NRBF2: variants seen among roughly 807,000 people sequenced by gnomAD.
NRBF2 encodes the protein nuclear receptor-binding factor 2.
Under a neutral mutation model 28.5 loss-of-function variants are expected in NRBF2, and 12 were observed. That is an observed-to-expected ratio of 0.42 (90% CI 0.27 to 0.68). NRBF2 has a LOEUF of 0.68. Ranked by LOEUF, NRBF2 falls within the 30% of genes least tolerant of loss-of-function variation. NRBF2 has a pLI of 0.24. For synonymous variants in NRBF2, 102 were observed against 116.5 expected, an observed-to-expected ratio of 0.88 and a Z score of 0.80; for missense variants, 274 against 333.5, an observed-to-expected ratio of 0.82 and a Z score of 1.39.
chr10:63,143,221 C>T (rs1266049832), intron 1 of NRBF2, among the ~76,000 whole-genome samples: 3 of 152,166 alleles, frequency 2.0e-5, no homozygotes, highest in Non-Finnish European at 4.4e-5. Context: ...AAGATTGTTG[C>T]TTCTTTCCTA....
intron 1 of NRBF2, 139 bp from the exon 2 acceptor site, chr10:63,146,070 C>A: frequency 2.9e-6 from 2 of 683,566 alleles, no homozygotes; most frequent in African/African-American, 1.8e-5. Flanking sequence ...ATTTCCCCAG[C>A]TACAGATAGA....
At chr10:63,141,765 G>A (rs905344641) in intron 1 of NRBF2, among the ~76,000 whole-genome samples, 3 of 152,230 alleles carry the variant, frequency 2.0e-5, no homozygotes, top group African/African-American at 4.8e-5. Flanking sequence ...AGATTTGAAC[G>A]TTGGCAGTCG....
chr10:63,150,279 A>G (rs563778644), intron 2 of NRBF2: 1 of 613,108 alleles, frequency 1.6e-6, no homozygotes, highest in South Asian at 7.2e-5. Flanking sequence ...CATGAACAAA[A>G]GGAAAAGAAA....
chr10:63,133,353 C>A lies in NRBF2; in HGVS notation c.-118C>A. 1 of 1,231,960 alleles carries A rather than the reference C, an allele frequency of 8.1e-7. No homozygotes were observed. The highest frequency in any genetic ancestry group is 1.3e-5 in the South Asian group (1 of 79,560). The allele number at this position is 1,231,960 out of a possible 1,614,324, so 76.3% of individuals were successfully genotyped here. ...GCTCCTTCAGCGCCTATCGCTGGCT[C>A]TTGGGGCGCAGAGAGGGGCCGCAGT... On this transcript the variant is annotated 5_prime_UTR_variant, in exon 1 of 4. Transcript: ENST00000277746.
chr10:63,141,599 CTG>C (rs768525796), intron 1 of NRBF2, among the ~76,000 whole-genome samples: 3 of 152,216 alleles, frequency 2.0e-5, no homozygotes, highest in Non-Finnish European at 4.4e-5. Flanking sequence ...ATTCTAAGCA[CTG>C]TGATGTTTCA....
In NRBF2 at chr10:63,133,495, A is replaced by G. The variant is rs956149275; in HGVS notation, c.25A>G (p.Asn9Asp). 5 of 1,609,626 alleles carry G rather than the reference A, an allele frequency of 3.1e-6. No homozygotes were observed. The highest frequency in any genetic ancestry group is 2.7e-5 in the African/African-American group (2 of 74,602). ...TATGGAAGTAATGGAAGGACCCCTCAACCTGGTGAGTGTCCCACAGAATAT... is the reference window on the plus strand; with the variant it reads ...TATGGAAGTAATGGAAGGACCCCTCGACCTGGTGAGTGTCCCACAGAATAT... MEVMEGPL[N>D]LAHQQSRRAD... is the part of the protein sequence containing the mutation. The change falls in exon 1 of 4, where the codon AAC becomes GAC. Residue 9 changes from asparagine to aspartate, a missense_variant. Transcript: ENST00000277746.
At chr10:63,139,321 C>A (rs972276194) in intron 1 of NRBF2, among the ~76,000 whole-genome samples, 3 of 152,110 alleles carry the variant, frequency 2.0e-5, no homozygotes, top group Non-Finnish European at 4.4e-5. Flanking sequence ...CCTGGTGTTC[C>A]TTTTCTTTTC....
chr10:63,153,655 T>C lies in NRBF2; in HGVS notation c.301T>C (p.Ser101Pro). 6.2e-7 allele frequency: 1 copy of C among 1,611,856 alleles called. No homozygotes were observed. Among genetic ancestry groups the C allele is most frequent in the Non-Finnish European group, 8.5e-7 (1 of 1,179,794 alleles). Residue 101 changes from serine (S) to proline (P), a missense_variant, in exon 4 of 4, where the codon TCT becomes CCT. By Grantham distance (74) the Ser-to-Pro change is moderately conservative (BLOSUM62 -1). Coordinates refer to ENST00000277746, the MANE Select transcript of NRBF2 (RefSeq NM_030759.5). ...DKDAAAHLQT[S>P]HKPSAEDAEG... Reference sequence around the variant, plus strand: ...GGATGCAGCTGCCCATCTTCAGACATCTCACAAACCCTCTGCAGAGGATGC... The same window carrying C: ...GGATGCAGCTGCCCATCTTCAGACACCTCACAAACCCTCTGCAGAGGATGC...
At chr10:63,153,028 T>A (rs2132697656) in intron 3 of NRBF2, among the ~76,000 whole-genome samples, 1 of 152,228 alleles carries the variant, frequency 6.6e-6, no homozygotes, top group East Asian at 1.9e-4. Context: ...TTTAAAAACT[T>A]TTTGTTATAA....
intron 1 of NRBF2, among the ~76,000 whole-genome samples, chr10:63,135,109 C>T (rs980075870): frequency 3.3e-5 from 5 of 152,208 alleles, no homozygotes; most frequent in Non-Finnish European, 7.3e-5. Context: ...ATCGCTTGAG[C>T]CCAGGAGGTG....
In NRBF2 at chr10:63,141,178, C is replaced by G. The variant is rs564820073; in HGVS notation, c.31-5031C>G. On this transcript the variant is annotated intron_variant, in intron 1 of 3. Coordinates refer to ENST00000277746, the MANE Select transcript of NRBF2 (RefSeq NM_030759.5). The stretch of plus-strand genomic sequence containing the variant: ...TTTAGCTGGGCATGGTGGCTCATGC[C>G]TATAATTCCAGCACTTTGGGTGAGT... 7.2e-5 allele frequency among the ~76,000 whole-genome samples: 11 copies of G among 152,140 alleles called. 1 individual carries two copies. The South Asian group carries it at 2.3e-3, about 32-fold the overall frequency.
chr10:63,143,538 A>T (rs145662597), intron 1 of NRBF2, among the ~76,000 whole-genome samples: 2,145 of 151,588 alleles, frequency 0.014, 36 homozygotes, highest in African/African-American at 0.039. Flanking sequence ...GCTCACTGCA[A>T]CCTCTGCCTC....
intron 1 of NRBF2, among the ~76,000 whole-genome samples, chr10:63,136,647 A>T: frequency 6.6e-6 from 1 of 152,202 alleles, no homozygotes; most frequent in East Asian, 1.9e-4. Context: ...ACTTAAATAC[A>T]TTATGAATCA....
intron 3 of NRBF2, among the ~76,000 whole-genome samples, chr10:63,153,043 ATTAG>A (rs953893435): frequency 4.6e-5 from 7 of 152,192 alleles, no homozygotes; most frequent in Non-Finnish European, 8.8e-5. Context: ...TTATAAAAGT[ATTAG>A]TTAAAGAGAT....
chr10:63,133,637 T>G (rs947322091), intron 1 of NRBF2, 137 bp downstream of exon 1: 11 of 698,256 alleles, frequency 1.6e-5, no homozygotes, highest in Non-Finnish European at 2.8e-5. Context: ...TGTGAGGGGC[T>G]GCTAGGCAGG....
chr10:63,144,729 T>G (rs1283043232), intron 1 of NRBF2, among the ~76,000 whole-genome samples: 1 of 152,146 alleles, frequency 6.6e-6, no homozygotes, highest in African/African-American at 2.4e-5. Flanking sequence ...ATTACCTTAC[T>G]TTTAAAGACA....
At position 63,146,250 on chromosome 10, in the gene NRBF2, A is replaced by G; in HGVS notation, c.72A>G (p.Ala24=). 3 of 1,612,698 alleles carry G rather than the reference A, an allele frequency of 1.9e-6. No individual in the cohort carries two copies. Among genetic ancestry groups the G allele is most frequent in the Non-Finnish European group, 2.5e-6 (3 of 1,179,818 alleles). The change falls in exon 2 of 4, where the codon GCA becomes GCG. Residue 24 remains alanine, a synonymous_variant. Transcript: ENST00000277746. ...GACGAGCAGACCGTTTATTAGCTGC[A>G]GGCAAATACGAAGAGGCTATTTCTT... The part of the protein sequence containing the change: ...QSRRADRLLA[A]GKYEEAISCH...
intron 1 of NRBF2, among the ~76,000 whole-genome samples, chr10:63,138,264 G>C (rs562190830): frequency 4.6e-5 from 7 of 152,026 alleles, no homozygotes; most frequent in Non-Finnish European, 8.8e-5. Context: ...AGTGAGCCAA[G>C]GTCACGCCCT....
intron 3 of NRBF2, 45 bp from the exon 4 acceptor site, chr10:63,153,466 T>C (rs1841680234): frequency 7.1e-7 from 1 of 1,406,974 alleles, no homozygotes; most frequent in Admixed American, 2.0e-5. Flanking sequence ...ATTACTAAGA[T>C]ACTTAAAATA....
Sources: gnomAD v4.1 joint callset for allele counts (sites outside exome capture counted in the v4.1 genomes callset) on GRCh38, gnomAD v4.1.1 for gene constraint, MANE v1.5 for transcripts, NCBI Gene and HGNC (gene_info 2026-07-23, HGNC 2026-07-21) for gene names.